Variants in NINJ2 observed in about 807,000 individuals in gnomAD.
NINJ2 encodes ninjurin-2.
In NINJ2, 12 loss-of-function variants were observed where a neutral mutation model predicts 11.7. The observed-to-expected ratio is 1.02, with a 90% CI of 0.66 to 1.66. NINJ2 has a LOEUF of 1.66. NINJ2 is among the 40% of genes most tolerant of loss of function. The pLI is 0.00. For synonymous variants in NINJ2, 93 were observed against 76.8 expected, an observed-to-expected ratio of 1.21 and a Z score of -1.10; for missense variants, 187 against 181.8, an observed-to-expected ratio of 1.03 and a Z score of -0.16.
At chr12:565,884 C>T (rs780445962) in intron 2 of NINJ2, 66 bp downstream of exon 2, 334 of 1,400,636 alleles carry the variant, frequency 2.4e-4, no homozygotes, top group East Asian at 1.2e-3. Flanking sequence ...CCAGGGGACA[C>T]GTGGGGCCTT....
chr12:604,512 C>A (rs1028761052), intron 1 of NINJ2, among the ~76,000 whole-genome samples: 1 of 152,158 alleles, frequency 6.6e-6, no homozygotes, highest in South Asian at 2.1e-4. Context: ...GTGGTGGGCA[C>A]CTGTAATCCC....
chr12:641,160 C>G (rs1272771853), intron 1 of NINJ2: 1 of 152,210 alleles, frequency 6.6e-6, no homozygotes, highest in Non-Finnish European at 1.5e-5. Context: ...CTCATCAGAA[C>G]AAAAATTCTG....
rs561131636 is a variant in NINJ2, at chr12:633,855, C to G, written c.33+29473G>C. Among the ~76,000 whole-genome samples, 1 of 152,218 alleles carries G rather than the reference C, an allele frequency of 6.6e-6. No individual in the cohort carries two copies. The highest frequency in any genetic ancestry group is 1.9e-4 in the East Asian group (1 of 5,180). ...TAGAGTTTTCCACTGTCTGCTAAAT[C>G]AAGTACACATTCCTTTGCCTGGTTA... On this transcript the variant is annotated intron_variant, in intron 1 of 3. Coordinates refer to ENST00000305108, the MANE Select transcript of NINJ2 (RefSeq NM_016533.6). The surrounding 1 kb of genome is among the most constrained non-coding windows in gnomAD (Gnocchi z 4.3).
At chr12:619,343 C>T (rs1005961425) in intron 1 of NINJ2, among the ~76,000 whole-genome samples, 5 of 152,056 alleles carry the variant, frequency 3.3e-5, no homozygotes, top group African/African-American at 1.2e-4. Flanking sequence ...TGTTAATGGC[C>T]AAAGAGAACA....
intron 1 of NINJ2, among the ~76,000 whole-genome samples, chr12:611,536 C>T (rs931661056): frequency 1.3e-5 from 2 of 152,202 alleles, no homozygotes; most frequent in East Asian, 1.9e-4. Context: ...CAGGGTTTCA[C>T]CATGTTGGCC....
At chr12:594,758 C>A (rs1421003501) in intron 1 of NINJ2, among the ~76,000 whole-genome samples, 1 of 152,196 alleles carries the variant, frequency 6.6e-6, no homozygotes, top group African/African-American at 2.4e-5. Flanking sequence ...TTCTTCCTAA[C>A]TTGATCTATA....
intron 1 of NINJ2, among the ~76,000 whole-genome samples, chr12:634,664 T>C (rs1948326414): frequency 6.6e-6 from 1 of 151,996 alleles, no homozygotes; most frequent in South Asian, 2.1e-4. Flanking sequence ...AGAGAGAAAA[T>C]GTAGAGAATG....
chr12:651,668 T>C (rs1194130760), intron 1 of NINJ2, among the ~76,000 whole-genome samples: 8 of 152,278 alleles, frequency 5.3e-5, no homozygotes, highest in Non-Finnish European at 7.4e-5. Context: ...TTAAAACAAC[T>C]ATGATGAATA....
intron 1 of NINJ2, among the ~76,000 whole-genome samples, chr12:638,026 G>C (rs1948374031): frequency 6.6e-6 from 1 of 152,182 alleles, no homozygotes; most frequent in Admixed American, 6.5e-5. Flanking sequence ...GTGCTTCAGG[G>C]AAAACAACAC....
chr12:609,837 G>A (rs1461828599), intron 1 of NINJ2, among the ~76,000 whole-genome samples: 1 of 150,884 alleles, frequency 6.6e-6, no homozygotes, highest in East Asian at 1.9e-4. Flanking sequence ...AGCTACTGAG[G>A]AGGCTCAGGC....
intron 1 of NINJ2, among the ~76,000 whole-genome samples, chr12:578,802 ACT>A (rs1947506917): frequency 1.3e-5 from 2 of 152,072 alleles, no homozygotes; most frequent in Non-Finnish European, 2.9e-5. Flanking sequence ...ATGGATCCAA[ACT>A]GTCTTTTGAA....
rs1219393964 is a variant in NINJ2 at position 569,985 on chromosome 12, C to T, written c.34-3807G>A. Among the ~76,000 whole-genome samples the T allele has an allele frequency of 4.6e-5, 7 of 152,346 alleles. No individual in the cohort carries two copies. The South Asian group carries it at 8.3e-4, about 18-fold the overall frequency. On this transcript the variant is annotated intron_variant, in intron 1 of 3. Transcript: ENST00000305108. Reference sequence around the variant, plus strand: ...GCGCCGCGGCTGCCGGGGGGCGTTTCCACCCCGAGGAACCCACGCGCAGGA... The same window carrying T: ...GCGCCGCGGCTGCCGGGGGGCGTTTTCACCCCGAGGAACCCACGCGCAGGA...
intron 1 of NINJ2, among the ~76,000 whole-genome samples, chr12:616,061 G>A (rs541454026): frequency 2.0e-5 from 3 of 152,234 alleles, no homozygotes; most frequent in Admixed American, 6.5e-5. Context: ...AATTTGTTGC[G>A]GTAAAGGAAG....
At chr12:655,650 C>G (rs888412662) in intron 1 of NINJ2, among the ~76,000 whole-genome samples, 1 of 152,176 alleles carries the variant, frequency 6.6e-6, no homozygotes, top group African/African-American at 2.4e-5. Context: ...CGGTGGCTCA[C>G]GTCTGTAATC....
intron 1 of NINJ2, 21 bp downstream of exon 1, chr12:663,307 T>A: frequency 6.2e-7 from 1 of 1,612,164 alleles, no homozygotes; most frequent in African/African-American, 1.3e-5. Context: ...TCCCCTCTGC[T>A]CTCTTCCAGA....
chr12:617,986 C>T (rs919499674), intron 1 of NINJ2, among the ~76,000 whole-genome samples: 1 of 151,856 alleles, frequency 6.6e-6, no homozygotes, highest in Non-Finnish European at 1.5e-5. Context: ...CAGTGAATAA[C>T]GTACTCTGGT....
chr12:567,487 A>G (rs992025631), intron 1 of NINJ2, among the ~76,000 whole-genome samples: 1 of 152,050 alleles, frequency 6.6e-6, no homozygotes, highest in African/African-American at 2.4e-5. Context: ...GGATGAAGGG[A>G]TGGATGGATG....
intron 1 of NINJ2, among the ~76,000 whole-genome samples, chr12:659,069 A>G (rs995189689): frequency 2.1e-5 from 3 of 140,654 alleles, no homozygotes; most frequent in African/African-American, 7.9e-5. Context: ...TATATAATAT[A>G]TAACTGCTTA....
intron 1 of NINJ2, among the ~76,000 whole-genome samples, chr12:617,268 G>A (rs2120362273): frequency 6.6e-6 from 1 of 152,288 alleles, no homozygotes; most frequent in East Asian, 1.9e-4. Flanking sequence ...CGAAGTTGTT[G>A]TAGTAAAGCC....
Sources: allele counts gnomAD v4.1 joint callset (sites outside exome capture counted in the v4.1 genomes callset), GRCh38; gene constraint gnomAD v4.1.1; non-coding constraint Gnocchi (gnomAD v3.1); transcripts MANE v1.5; gene names NCBI Gene and HGNC (gene_info 2026-07-23, HGNC 2026-07-21).